The following GALNT13 variants were observed in gnomAD, a reference collection of about 807,000 sequenced individuals.
GALNT13 encodes polypeptide N-acetylgalactosaminyltransferase 13, also known as UDP-GalNAc:polypeptide N-acetylgalactosaminyltransferase 13.
A neutral mutation model predicts 64.2 loss-of-function variants in GALNT13; 28 were observed. The ratio of observed to expected loss-of-function variants is 0.44; its 90% CI spans 0.32 to 0.60. The LOEUF is 0.60. Among genes scored for constraint, GALNT13 ranks in the 20% least tolerant of loss-of-function variants. The probability of loss-of-function intolerance (pLI) is 0.05; values close to 1 mark genes in which losing one functional copy is unlikely to be tolerated. For missense variants in GALNT13, 577 were observed against 669.8 expected (o/e 0.86, Z 1.53); for synonymous variants, 214 against 224.6 (o/e 0.95, Z 0.42).
the GALNT13 span, among the ~76,000 whole-genome samples, chr2:153,535,158 G>A: frequency 6.6e-6 from 1 of 152,022 alleles, no homozygotes; most frequent in East Asian, 1.9e-4. Context: ...ATATTGTGGG[G>A]ATGTTAGAAG....
At chr2:154,025,699 G>A (rs1558916809) in intron 3 of GALNT13, among the ~76,000 whole-genome samples, 1 of 152,030 alleles carries the variant, frequency 6.6e-6, no homozygotes, top group East Asian at 1.9e-4. Context: ...TACTCACTCT[G>A]TACCAAACAT....
At chr2:154,163,806 T>TA (rs1558998144) in intron 4 of GALNT13, among the ~76,000 whole-genome samples, 3 of 152,296 alleles carry the variant, frequency 2.0e-5, no homozygotes, top group South Asian at 4.1e-4. Context: ...AACTGGGTTT[T>TA]AAAAAAAGTG....
the GALNT13 span, among the ~76,000 whole-genome samples, chr2:153,576,776 A>G: frequency 6.6e-6 from 1 of 151,804 alleles, no homozygotes; most frequent in African/African-American, 2.4e-5. Context: ...TAGTTGTTAA[A>G]TTGGTGCGGG....
the GALNT13 span, among the ~76,000 whole-genome samples, chr2:153,704,869 A>G: frequency 1.3e-5 from 2 of 152,212 alleles, no homozygotes; most frequent in Admixed American, 1.3e-4. Flanking sequence ...AATAAATGTA[A>G]TAAGCAGATC....
the GALNT13 span, among the ~76,000 whole-genome samples, chr2:153,246,193 G>A: frequency 3.9e-5 from 6 of 152,166 alleles, no homozygotes; most frequent in African/African-American, 7.2e-5. Context: ...TGAAAATGAC[G>A]GGGAGAATGG....
At chr2:153,574,186 C>T in the GALNT13 span, among the ~76,000 whole-genome samples, 6 of 149,994 alleles carry the variant, frequency 4.0e-5, no homozygotes, top group Admixed American at 4.0e-4. Flanking sequence ...CTCTCCTGGC[C>T]TGTAAGGTTT....
chr2:153,189,613 C>A, the GALNT13 span, among the ~76,000 whole-genome samples: 1 of 152,046 alleles, frequency 6.6e-6, no homozygotes, highest in Admixed American at 6.6e-5. Flanking sequence ...TGGATAAATA[C>A]CTGCCAGTGA....
At chr2:153,233,209 A>G in the GALNT13 span, among the ~76,000 whole-genome samples, 1 of 152,182 alleles carries the variant, frequency 6.6e-6, no homozygotes, top group African/African-American at 2.4e-5. Flanking sequence ...AAATTATTGC[A>G]AAATCAGAAG....
At chr2:153,668,768 C>A in the GALNT13 span, among the ~76,000 whole-genome samples, 2 of 152,064 alleles carry the variant, frequency 1.3e-5, no homozygotes, top group African/African-American at 2.4e-5. Context: ...CCTAGGATCC[C>A]CACACACTTG....
At chr2:153,612,259 C>CTGATGA in the GALNT13 span, among the ~76,000 whole-genome samples, 1 of 152,022 alleles carries the variant, frequency 6.6e-6, no homozygotes, top group Non-Finnish European at 1.5e-5. Flanking sequence ...ATTAGTTCAA[C>CTGATGA]TGTTGTGGAA....
At chr2:153,933,499 G>A (rs1690677500) in intron 2 of GALNT13, among the ~76,000 whole-genome samples, 1 of 152,112 alleles carries the variant, frequency 6.6e-6, no homozygotes. Context: ...ATATGCTTGA[G>A]TCTTTCTTCT....
chr2:153,286,421 A>C, the GALNT13 span, among the ~76,000 whole-genome samples: 1 of 152,180 alleles, frequency 6.6e-6, no homozygotes, highest in African/African-American at 2.4e-5. Flanking sequence ...AGAGAACCTA[A>C]ATATGCCATA....
At chr2:153,850,107 A>T in the GALNT13 span, among the ~76,000 whole-genome samples, 1 of 151,208 alleles carries the variant, frequency 6.6e-6, no homozygotes, top group Non-Finnish European at 1.5e-5. Flanking sequence ...TAAACCCAGG[A>T]GGCGGAGCTT....
At chr2:153,764,955 C>G in the GALNT13 span, among the ~76,000 whole-genome samples, 3 of 152,234 alleles carry the variant, frequency 2.0e-5, no homozygotes, top group African/African-American at 7.2e-5. Flanking sequence ...GTTGGGCCTG[C>G]AGGTGCACAG....
chr2:153,364,497 GC>G, the GALNT13 span, among the ~76,000 whole-genome samples: 1 of 152,228 alleles, frequency 6.6e-6, no homozygotes. Context: ...CATCATCTCA[GC>G]CCAAAGACTT....
the GALNT13 span, among the ~76,000 whole-genome samples, chr2:153,438,901 T>A: frequency 4.6e-5 from 7 of 152,158 alleles, no homozygotes; most frequent in Non-Finnish European, 7.3e-5. Context: ...GCGCTCTGAT[T>A]TTTTGAGTTT....
chr2:153,530,127 T>C, the GALNT13 span, among the ~76,000 whole-genome samples: 4 of 152,170 alleles, frequency 2.6e-5, no homozygotes, highest in African/African-American at 9.6e-5. Flanking sequence ...TTTGCAGATA[T>C]GATATTATAT....
At chr2:154,360,467 A>G (rs1207856100) in intron 9 of GALNT13, among the ~76,000 whole-genome samples, 3 of 140,918 alleles carry the variant, frequency 2.1e-5, no homozygotes, top group Non-Finnish European at 4.7e-5. Context: ...GGGGAGAGAA[A>G]TGTGTCAAAG....
chr2:154,289,686 A>T (rs1473010226), intron 8 of GALNT13, among the ~76,000 whole-genome samples: 1 of 152,218 alleles, frequency 6.6e-6, no homozygotes, highest in Non-Finnish European at 1.5e-5. Context: ...CAGCCAAAGC[A>T]TATCAATCCC....
Sources: allele counts gnomAD v4.1 joint callset (sites outside exome capture counted in the v4.1 genomes callset), GRCh38; gene constraint gnomAD v4.1.1; transcripts MANE v1.5; gene names NCBI Gene and HGNC (gene_info 2026-07-23, HGNC 2026-07-21).